The following CNTNAP5 variants were observed in gnomAD, a reference collection of about 807,000 sequenced individuals.
The protein encoded by CNTNAP5 is contactin associated protein family member 5.
Under a neutral mutation model 150.2 loss-of-function variants are expected in CNTNAP5, and 72 were observed. The ratio of observed to expected loss-of-function variants is 0.48; its 90% confidence interval spans 0.40 to 0.58. The LOEUF is 0.58. CNTNAP5 is among the 20% of genes least tolerant of loss of function. CNTNAP5 has a pLI of 0.00. For synonymous variants in CNTNAP5, 672 were observed against 619.8 expected, an observed-to-expected ratio of 1.08 and a Z score of -1.25; for missense variants, 1,636 against 1,626.2, an observed-to-expected ratio of 1.01 and a Z score of -0.10.
chr2:124,220,514 G>A (rs1166140880), intron 1 of CNTNAP5, among the ~76,000 whole-genome samples: 1 of 152,078 alleles, frequency 6.6e-6, no homozygotes. Context: ...AATACAAACA[G>A]ATAAGTGAAT....
At chr2:124,764,330 ATTTAATCAGTCATTCTC>A (rs1681023794) in intron 16 of CNTNAP5, among the ~76,000 whole-genome samples, 183 bp downstream of exon 16, 1 of 151,940 alleles carries the variant, frequency 6.6e-6, no homozygotes, top group African/African-American at 2.4e-5. Context: ...ACCTGTCAGT[ATTTAATCAGTCATTCTC>A]TTATCAAAAC....
chr2:124,662,905 C>T (rs531460540), intron 13 of CNTNAP5, among the ~76,000 whole-genome samples: 47 of 152,216 alleles, frequency 3.1e-4, no homozygotes, highest in African/African-American at 1.1e-3. Flanking sequence ...CCTAAATAAT[C>T]TTTATGGAGG....
intron 7 of CNTNAP5, among the ~76,000 whole-genome samples, chr2:124,489,699 C>A (rs1267814758): frequency 1.3e-5 from 2 of 152,084 alleles, no homozygotes; most frequent in African/African-American, 4.8e-5. Context: ...GTATCCAGAT[C>A]CTTCTGACCC....
Position 124,573,172 on chromosome 2 carries a change from A to G in CNTNAP5, c.1756+9849A>G, listed in dbSNP as rs148190900. On this transcript the variant is annotated intron_variant, in intron 11 of 23. Coordinates refer to ENST00000682447, the MANE Select transcript of CNTNAP5 (RefSeq NM_001367498.1). Reference sequence around the variant, plus strand: ...ATTGAAGAGCACTCTTAAATATTTTATGGAACACAGAAGGATTTAAAAGCA... The same window carrying G: ...ATTGAAGAGCACTCTTAAATATTTTGTGGAACACAGAAGGATTTAAAAGCA... Among the ~76,000 whole-genome samples the G allele has an allele frequency of 2.9e-3, 438 of 152,354 alleles. 5 individuals carry two copies. Among genetic ancestry groups the G allele is most frequent in the African/African-American group, 9.8e-3 (406 of 41,588 alleles).
At chr2:124,535,655 T>C (rs1029556234) in intron 10 of CNTNAP5, among the ~76,000 whole-genome samples, 8 of 149,420 alleles carry the variant, frequency 5.4e-5, no homozygotes, top group African/African-American at 2.0e-4. Flanking sequence ...TGCAGGCCTG[T>C]AATCCCAGCT....
chr2:124,132,030 G>A (rs151154096), intron 1 of CNTNAP5, among the ~76,000 whole-genome samples: 6 of 152,160 alleles, frequency 3.9e-5, no homozygotes, highest in Non-Finnish European at 5.9e-5. Flanking sequence ...CTACAGAGAC[G>A]GTCCTTTGAA....
chr2:124,214,442 G>GT (rs982632462), intron 1 of CNTNAP5, among the ~76,000 whole-genome samples: 19 of 152,082 alleles, frequency 1.2e-4, no homozygotes, highest in Non-Finnish European at 2.5e-4. Context: ...GTGGTGCTGT[G>GT]TTTATCTCCA....
At chr2:124,601,054 T>C (rs1348545188) in intron 11 of CNTNAP5, among the ~76,000 whole-genome samples, 1 of 152,124 alleles carries the variant, frequency 6.6e-6, no homozygotes, top group Admixed American at 6.5e-5. Flanking sequence ...AGATTATCAA[T>C]CCTCTTTCCA....
chr2:124,380,198 C>A lies in CNTNAP5; in HGVS notation c.382-37245C>A, dbSNP rs1018203889. On this transcript the variant is annotated intron_variant, in intron 3 of 23. Coordinates refer to ENST00000682447, the MANE Select transcript of CNTNAP5 (RefSeq NM_001367498.1). ...AGCTTAATAGTGTATTAAGATTAAC[C>A]ATGTGGCAAGAACCGCATTTTGTAC... Among the ~76,000 whole-genome samples the A allele has an allele frequency of 5.7e-4, 87 of 151,902 alleles. 4 individuals carry two copies.
chr2:124,037,378 C>G (rs780329617), intron 1 of CNTNAP5, among the ~76,000 whole-genome samples: 1 of 152,196 alleles, frequency 6.6e-6, no homozygotes, highest in Non-Finnish European at 1.5e-5. Context: ...TTAAATTCTG[C>G]TCTCCCATGT....
At chr2:124,796,704 T>C (rs943135145) in intron 18 of CNTNAP5, among the ~76,000 whole-genome samples, 16 of 152,256 alleles carry the variant, frequency 1.1e-4, no homozygotes, top group African/African-American at 3.6e-4. Flanking sequence ...ATTATTATAT[T>C]GTAGGTGCCA....
intron 3 of CNTNAP5, among the ~76,000 whole-genome samples, chr2:124,258,682 A>T (rs1387827387): frequency 6.6e-6 from 1 of 152,144 alleles, no homozygotes; most frequent in Non-Finnish European, 1.5e-5. Context: ...TGACTGTGCT[A>T]TCCTGTGCCT....
intron 2 of CNTNAP5, among the ~76,000 whole-genome samples, chr2:124,239,937 T>C (rs1223930263): frequency 6.6e-6 from 1 of 152,134 alleles, no homozygotes; most frequent in Non-Finnish European, 1.5e-5. Context: ...CATCTCAGAA[T>C]CTCTGCTCAA....
At chr2:124,603,812 C>T (rs949500957) in intron 11 of CNTNAP5, among the ~76,000 whole-genome samples, 11 of 152,126 alleles carry the variant, frequency 7.2e-5, no homozygotes, top group Non-Finnish European at 1.6e-4. Flanking sequence ...TACATACCTA[C>T]ATACATACAT....
intron 2 of CNTNAP5, among the ~76,000 whole-genome samples, chr2:124,228,867 C>G (rs2104749891): frequency 6.6e-6 from 1 of 152,238 alleles, no homozygotes; most frequent in South Asian, 2.1e-4. Context: ...CCATGACCTT[C>G]AGAGCATCAA....
intron 3 of CNTNAP5, among the ~76,000 whole-genome samples, chr2:124,316,104 A>G (rs566225706): frequency 6.6e-6 from 1 of 152,240 alleles, no homozygotes; most frequent in East Asian, 1.9e-4. Context: ...TTCAACTCTC[A>G]ACTGAGTTGG....
chr2:124,788,275 C>G (rs1225173542), intron 17 of CNTNAP5, among the ~76,000 whole-genome samples: 1 of 152,112 alleles, frequency 6.6e-6, no homozygotes, highest in Non-Finnish European at 1.5e-5. Flanking sequence ...CTGATGGGAA[C>G]AAAACACTCT....
In CNTNAP5 at chr2:124,295,067, C is replaced by G. The variant is rs111481263; in HGVS notation, c.381+52674C>G. On this transcript the variant is annotated intron_variant, in intron 3 of 23. Coordinates refer to ENST00000682447, the MANE Select transcript of CNTNAP5 (RefSeq NM_001367498.1). Reference sequence around the variant, plus strand: ...GTTGTAGTGAGCGGAGATCCTGCCACTGCACTCCAGCCTGGGAGACAGAGC... The same window carrying G: ...GTTGTAGTGAGCGGAGATCCTGCCAGTGCACTCCAGCCTGGGAGACAGAGC... 7.9e-3 allele frequency among the ~76,000 whole-genome samples: 1,204 copies of G among 152,190 alleles called. 13 individuals carry two copies. The highest frequency in any genetic ancestry group is 0.028 in the African/African-American group (1,146 of 41,520).
chr2:124,660,085 A>C (rs1233837461), intron 13 of CNTNAP5, among the ~76,000 whole-genome samples: 1 of 150,652 alleles, frequency 6.6e-6, no homozygotes, highest in African/African-American at 2.4e-5. Flanking sequence ...GAAGGAAGGG[A>C]GGGAGATAGG....
Sources: gnomAD v4.1 joint callset for allele counts (sites outside exome capture counted in the v4.1 genomes callset) on GRCh38, gnomAD v4.1.1 for gene constraint, MANE v1.5 for transcripts, NCBI Gene and HGNC (gene_info 2026-07-23, HGNC 2026-07-21) for gene names.